The following RFC3 variants were observed in gnomAD, a reference collection of about 807,000 sequenced individuals.
The protein encoded by RFC3 is A1 38 kDa subunit.
Under a neutral mutation model 45.1 loss-of-function variants are expected in RFC3, and 41 were observed. That is an observed-to-expected ratio of 0.91 (90% CI 0.71 to 1.18). The LOEUF (loss-of-function observed/expected upper bound fraction) is 1.18, where lower values mean the gene tolerates loss of function less well. RFC3 is among the 50% of genes most tolerant of loss of function. The probability of loss-of-function intolerance (pLI) is 0.00; values close to 1 mark genes in which losing one functional copy is unlikely to be tolerated. For missense variants in RFC3, 423 were observed against 428.1 expected, an observed-to-expected ratio of 0.99 and a Z score of 0.10; for synonymous variants, 149 against 144.0, an observed-to-expected ratio of 1.03 and a Z score of -0.25.
At chr13:33,902,050 A>T (rs1307439257) in intron 8 of RFC3, among the ~76,000 whole-genome samples, 1 of 152,054 alleles carries the variant, frequency 6.6e-6, no homozygotes, top group Non-Finnish European at 1.5e-5. Flanking sequence ...CATAAGGCAA[A>T]AGCTGTGATG....
chr13:33,925,426 A>G (rs2082802310), intron 8 of RFC3, among the ~76,000 whole-genome samples: 1 of 138,510 alleles, frequency 7.2e-6, no homozygotes, highest in Non-Finnish European at 1.5e-5. Context: ...ATAGTGTACT[A>G]TATACATACA....
At chr13:33,830,899 G>A (rs372518913) in intron 6 of RFC3, 44 bp downstream of exon 6, 8 of 1,566,612 alleles carry the variant, frequency 5.1e-6, no homozygotes, top group South Asian at 3.5e-5. Flanking sequence ...TGGCCCCCAA[G>A]CTTTTTGGCA....
rs117182279 is a variant in RFC3 at position 33,906,043 on chromosome 13, G to A, written c.880-60044G>A. ...AATCATAATATCCTTGAGGGATTGT[G>A]GCTTATATTTTAGCACTACTTATAA... is the stretch of plus-strand genomic sequence containing the variant. On this transcript the variant is annotated intron_variant, in intron 8 of 8. Coordinates refer to the RFC3 transcript ENST00000434425. 3.0e-3 allele frequency among the ~76,000 whole-genome samples: 457 copies of A among 152,142 alleles called. 3 individuals carry two copies. The highest frequency in any genetic ancestry group is 4.9e-3 in the Non-Finnish European group (335 of 67,976).
chr13:33,857,072 C>A (rs1310785859), intron 8 of RFC3, among the ~76,000 whole-genome samples: 1 of 152,108 alleles, frequency 6.6e-6, no homozygotes, highest in Non-Finnish European at 1.5e-5. Context: ...AACTTTAGTA[C>A]TTTTAGATTT....
intron 8 of RFC3, among the ~76,000 whole-genome samples, chr13:33,928,509 C>G (rs377741262): frequency 3.9e-5 from 6 of 152,008 alleles, no homozygotes; most frequent in African/African-American, 1.4e-4. Context: ...CGGGTATACA[C>G]AAATTGGGCA....
intron 8 of RFC3, among the ~76,000 whole-genome samples, chr13:33,908,807 TG>T (rs963875102): frequency 5.2e-4 from 79 of 152,176 alleles, no homozygotes; most frequent in African/African-American, 1.7e-3. Context: ...AGTTCTAACC[TG>T]AAAGCCAAAG....
intron 8 of RFC3, among the ~76,000 whole-genome samples, chr13:33,933,314 TC>T (rs1566034042): frequency 6.6e-6 from 1 of 152,170 alleles, no homozygotes; most frequent in African/African-American, 2.4e-5. Flanking sequence ...ATTTTACCTG[TC>T]CTACATTGTT....
chr13:33,888,996 G>C (rs933392623), intron 8 of RFC3, among the ~76,000 whole-genome samples: 2 of 152,070 alleles, frequency 1.3e-5, no homozygotes, highest in Non-Finnish European at 2.9e-5. Flanking sequence ...CAGCCACCTC[G>C]GCCTCCCAAA....
In RFC3 at chr13:33,831,261, C is replaced by A. The variant is rs766249780; in HGVS notation, c.716C>A (p.Pro239His). 6.3e-7 allele frequency: 1 copy of A among 1,583,660 alleles called. No homozygotes were observed. The highest frequency in any genetic ancestry group is 2.2e-5 in the East Asian group (1 of 44,706). ...MCEACRVQQY[P>H]FTADQEIPET... is the part of the protein sequence containing the mutation. Reference sequence around the variant, plus strand: ...GTTCTCTTTTTGTCATGTAGATATCCTTTTACTGCAGATCAAGAAATCCCT... The same window carrying A: ...GTTCTCTTTTTGTCATGTAGATATCATTTTACTGCAGATCAAGAAATCCCT... The change falls in exon 7 of 9, where the codon CCT becomes CAT. Residue 239 changes from proline to histidine, a missense_variant. Coordinates refer to ENST00000380071, the MANE Select transcript of RFC3 (RefSeq NM_002915.4).
At chr13:33,881,880 C>T (rs540315518) in intron 8 of RFC3, among the ~76,000 whole-genome samples, 4 of 152,298 alleles carry the variant, frequency 2.6e-5, no homozygotes, top group South Asian at 2.1e-4. Flanking sequence ...TCAAGCTAAA[C>T]GCATGGCTAA....
chr13:33,853,725 G>A (rs1380839802), intron 8 of RFC3, among the ~76,000 whole-genome samples: 1 of 152,150 alleles, frequency 6.6e-6, no homozygotes, highest in Admixed American at 6.6e-5. Context: ...CATGTTTGTT[G>A]TTACTAAATC....
At chr13:33,895,395 G>A (rs147323460) in intron 8 of RFC3, among the ~76,000 whole-genome samples, 10 of 152,112 alleles carry the variant, frequency 6.6e-5, no homozygotes, top group East Asian at 3.9e-4. Context: ...AATGCTCAAC[G>A]TCACTAATCA....
chr13:33,945,962 T>C (rs1378887408), intron 8 of RFC3, among the ~76,000 whole-genome samples: 1 of 152,218 alleles, frequency 6.6e-6, no homozygotes, highest in East Asian at 1.9e-4. Context: ...GATATGCCTT[T>C]TGCTTTCTGA....
chr13:33,862,332 A>G (rs1040345513), intron 8 of RFC3, among the ~76,000 whole-genome samples: 4 of 151,756 alleles, frequency 2.6e-5, no homozygotes, highest in African/African-American at 7.3e-5. Context: ...GAGAATGAAC[A>G]TGTTGTGAAG....
At chr13:33,845,896 A>G (rs2082233504) in intron 8 of RFC3, among the ~76,000 whole-genome samples, 1 of 152,188 alleles carries the variant, frequency 6.6e-6, no homozygotes, top group Non-Finnish European at 1.5e-5. Context: ...GCTTGTTTAT[A>G]CCTGTCCTTC....
chr13:33,976,080 A>C, the RFC3 span, among the ~76,000 whole-genome samples: 1,160 of 152,316 alleles, frequency 7.6e-3, 55 homozygotes, highest in Admixed American at 0.059. Flanking sequence ...AGTAGTTGAA[A>C]ACCCCACAAT....
At chr13:33,940,189 C>T (rs537808313) in intron 8 of RFC3, among the ~76,000 whole-genome samples, 2 of 151,762 alleles carry the variant, frequency 1.3e-5, no homozygotes, top group African/African-American at 2.4e-5. Flanking sequence ...TAATTTTGAA[C>T]CTTTCTTCTG....
At chr13:33,843,348 A>G (rs2082214029) in intron 8 of RFC3, among the ~76,000 whole-genome samples, 1 of 152,214 alleles carries the variant, frequency 6.6e-6, no homozygotes, top group Admixed American at 6.5e-5. Flanking sequence ...GTCTCCACAA[A>G]CCTCAGCTCC....
chr13:33,821,295 A>C (rs200569361), intron 2 of RFC3, 26 bp downstream of exon 2: 1 of 1,610,542 alleles, frequency 6.2e-7, no homozygotes, highest in South Asian at 1.1e-5. Context: ...TGAGGCCCTG[A>C]AAGTAATTTA....
Sources: allele counts gnomAD v4.1 joint callset (sites outside exome capture counted in the v4.1 genomes callset), GRCh38; gene constraint gnomAD v4.1.1; transcripts MANE v1.5; gene names NCBI Gene and HGNC (gene_info 2026-07-23, HGNC 2026-07-21).